TET3: variants seen among roughly 807,000 people sequenced by gnomAD.
TET3 encodes the protein methylcytosine dioxygenase TET3.
Under a neutral mutation model 141.4 loss-of-function variants are expected in TET3, and 19 were observed. That is an observed-to-expected ratio of 0.13 (90% confidence interval 0.09 to 0.20). The LOEUF is 0.20. Among genes scored for constraint, TET3 ranks in the 10% least tolerant of loss-of-function variants. The pLI is 1.00. For synonymous variants in TET3, 1,043 were observed against 980.9 expected (o/e 1.06, Z -1.18); for missense variants, 1,874 against 2,356.9 (o/e 0.80, Z 4.24).
chr2:74,056,637 G>A (rs1223881322), intron 4 of TET3, among the ~76,000 whole-genome samples: 1 of 152,146 alleles, frequency 6.6e-6, no homozygotes, highest in Non-Finnish European at 1.5e-5. Context: ...TCCCAGCGAT[G>A]CCACTTTATC....
chr2:74,109,842 C>T (rs76549181), downstream of TET3, among the ~76,000 whole-genome samples: 8 of 152,236 alleles, frequency 5.3e-5, no homozygotes, highest in East Asian at 1.9e-4. Flanking sequence ...AGGAGCCCCA[C>T]GATCTGGACA....
At chr2:74,073,302 C>A (rs1472969828) in intron 4 of TET3, among the ~76,000 whole-genome samples, 2 of 152,200 alleles carry the variant, frequency 1.3e-5, no homozygotes, top group Non-Finnish European at 2.9e-5. Flanking sequence ...ACAGCTTTGA[C>A]AACACTTGGT....
chr2:74,062,539 G>C (rs1026584516), intron 4 of TET3, among the ~76,000 whole-genome samples: 10 of 152,168 alleles, frequency 6.6e-5, no homozygotes, highest in Non-Finnish European at 1.2e-4. Flanking sequence ...TAAAGGAGGA[G>C]GTGGGAGAAA....
chr2:74,126,998 C>T, the TET3 span, among the ~76,000 whole-genome samples: 2 of 152,158 alleles, frequency 1.3e-5, no homozygotes, highest in African/African-American at 4.8e-5. Context: ...CTACCAAGTC[C>T]AGTGTTTAAT....
At chr2:74,097,226 C>CACACACACACACACACAT (rs1690904025) in intron 10 of TET3, among the ~76,000 whole-genome samples, 1 of 151,460 alleles carries the variant, frequency 6.6e-6, no homozygotes, top group Non-Finnish European at 1.5e-5. Context: ...CACACACACA[C>CACACACACACACACACAT]ACACATACAT....
At chr2:74,089,742 T>A (rs1465924527) in intron 7 of TET3, among the ~76,000 whole-genome samples, 155 bp from the exon 8 acceptor site, 2 of 152,186 alleles carry the variant, frequency 1.3e-5, no homozygotes, top group African/African-American at 4.8e-5. Flanking sequence ...TCAAGGAAAC[T>A]TGAGAAAGGG....
intron 3 of TET3, among the ~76,000 whole-genome samples, chr2:74,022,094 C>CCTTTTTTTTTTTTTTTTTTTTTTTT (rs57671706): frequency 3.6e-5 from 3 of 82,768 alleles, no homozygotes; most frequent in African/African-American, 1.0e-4. Flanking sequence ...TTCTAGGACA[C>CCTTTTTTTTTTTTTTTTTTTTTTTT]TTTTTTTTTT....
At chr2:74,050,504 T>C (rs2103724908) in intron 4 of TET3, among the ~76,000 whole-genome samples, 1 of 152,266 alleles carries the variant, frequency 6.6e-6, no homozygotes, top group East Asian at 1.9e-4. Flanking sequence ...TAACTACCAA[T>C]AAGGATAAAA....
intron 8 of TET3, among the ~76,000 whole-genome samples, chr2:74,090,319 T>C (rs2104094796): frequency 6.6e-6 from 1 of 152,342 alleles, no homozygotes; most frequent in Middle Eastern, 3.4e-3. Context: ...ATATCGAAGA[T>C]ACATATTCAA....
At chr2:74,123,795 A>G in the TET3 span, among the ~76,000 whole-genome samples, 3 of 149,504 alleles carry the variant, frequency 2.0e-5, no homozygotes, top group African/African-American at 7.5e-5. Context: ...CCCGGCCGCC[A>G]TCCCGTCTAG....
intron 4 of TET3, among the ~76,000 whole-genome samples, chr2:74,049,386 C>T (rs1687820398): frequency 6.6e-6 from 1 of 152,126 alleles, no homozygotes; most frequent in South Asian, 2.1e-4. Context: ...GTTGAGTCCA[C>T]TTCTAAGCCT....
rs1573658833 is a variant in TET3, at chr2:74,003,049, A to G, written c.304-61A>G. On this transcript the variant is annotated intron_variant, in intron 2 of 11. Transcript: ENST00000409262. ...CGGCCGGGCTGGGGGCTGTAGCAGG[A>G]GGACTTTGCTGCCTTCCTGGTACCC... The G allele has an allele frequency of 2.0e-6, 3 of 1,536,826 alleles. No individual in the cohort carries two copies. In the East Asian group the frequency reaches 7.3e-5, roughly 38 times the overall value.
rs552698558 is a variant in TET3 at position 73,986,316 on chromosome 2, C to T, written c.-88C>T. Reference sequence around the variant, plus strand: ...CTTGTAGACTCTTGACTGTTCTAGGCGAGAAGGACCTGTTGGTGGCCTTTG... The same window carrying T: ...CTTGTAGACTCTTGACTGTTCTAGGTGAGAAGGACCTGTTGGTGGCCTTTG... On this transcript the variant is annotated 5_prime_UTR_variant, in exon 2 of 12. Coordinates refer to ENST00000409262, the MANE Select transcript of TET3 (RefSeq NM_001287491.2). The T allele has an allele frequency of 4.5e-4, 519 of 1,163,956 alleles. 4 individuals carry two copies. The African/African-American group carries it at 7.1e-3, about 16-fold the overall frequency. 72.1% of individuals were successfully genotyped at this position (1,163,956 alleles called of 1,614,324 possible). A position where few individuals can be genotyped will look rare whatever the true frequency, so the allele number is the denominator to read the frequency against.
chr2:73,990,023 CA>C (rs1684243612), intron 2 of TET3, among the ~76,000 whole-genome samples: 1 of 152,102 alleles, frequency 6.6e-6, no homozygotes, highest in Non-Finnish European at 1.5e-5. Flanking sequence ...TGCATGATGA[CA>C]AAACATTCCT....
In TET3 at chr2:74,048,218, G is replaced by T. The variant is rs1231340737; in HGVS notation, c.2301G>T (p.Val767=). 2 of 1,613,380 alleles carry T rather than the reference G, an allele frequency of 1.2e-6. No individual in the cohort carries two copies. Among genetic ancestry groups the T allele is most frequent in the Admixed American group, 1.7e-5 (1 of 59,900 alleles). The change falls in exon 4 of 12, where the codon GTG becomes GTT. Residue 767 remains valine, a synonymous_variant. Coordinates refer to ENST00000409262, the MANE Select transcript of TET3 (RefSeq NM_001287491.2). ...IKIESSGAVT[V]LSTTCFHSEE... Reference sequence around the variant, plus strand: ...TTGAGTCTTCGGGGGCTGTGACTGTGCTCTCAACCACCTGCTTCCATTCAG... The same window carrying T: ...TTGAGTCTTCGGGGGCTGTGACTGTTCTCTCAACCACCTGCTTCCATTCAG...
At chr2:74,021,169 C>T (rs1686021288) in intron 3 of TET3, among the ~76,000 whole-genome samples, 3 of 152,176 alleles carry the variant, frequency 2.0e-5, no homozygotes, top group African/African-American at 7.2e-5. Context: ...CTGAGTCTCC[C>T]CAGCCAGGTG....
In TET3 at chr2:74,073,559, G is replaced by T; in HGVS notation, c.2505G>T (p.Val835=). Residue 835 remains valine, a synonymous_variant, in exon 5 of 12, where the codon GTG becomes GTT. Coordinates refer to ENST00000409262, the MANE Select transcript of TET3 (RefSeq NM_001287491.2). ...TCTGTGTTTCTGCAGAACAAATAGT[G>T]GAGAAAGATGAAGGTCCATATTATA... The part of the protein sequence containing the change: ...FPTCDCVEQI[V]EKDEGPYYTH... 1 of 1,607,818 alleles carries T rather than the reference G, an allele frequency of 6.2e-7. No homozygotes were observed.
In TET3 at chr2:74,016,653, C is replaced by T. The variant is rs575379397; in HGVS notation, c.360+13487C>T. On this transcript the variant is annotated intron_variant, in intron 3 of 11. Coordinates refer to ENST00000409262, the MANE Select transcript of TET3 (RefSeq NM_001287491.2). ...AGGAGAATCGCTTGAGCCTGGGAAG[C>T]GGAGGTTGCAGTGACCCAAGATGGT... Among the ~76,000 whole-genome samples, 5 of 151,684 alleles carry T rather than the reference C, an allele frequency of 3.3e-5. No homozygotes were observed. In the South Asian group the frequency reaches 8.4e-4, roughly 25 times the overall value.
At chr2:74,009,346 A>G (rs765392781) in intron 3 of TET3, among the ~76,000 whole-genome samples, 4 of 152,160 alleles carry the variant, frequency 2.6e-5, no homozygotes, top group South Asian at 2.1e-4. Context: ...TCCATAGACC[A>G]ACTTTCTCTA....
Sources: gnomAD v4.1 joint callset for allele counts (sites outside exome capture counted in the v4.1 genomes callset) on GRCh38, gnomAD v4.1.1 for gene constraint, MANE v1.5 for transcripts, NCBI Gene and HGNC (gene_info 2026-07-23, HGNC 2026-07-21) for gene names.